Variants in VPS13B observed in about 807,000 individuals in gnomAD.
VPS13B encodes vacuolar protein sorting 13 homolog B.
Under a neutral mutation model 426.4 loss-of-function variants are expected in VPS13B, and 285 were observed. The observed-to-expected ratio is 0.67, with a 90% confidence interval of 0.61 to 0.74. The LOEUF (loss-of-function observed/expected upper bound fraction) is 0.74, where lower values mean the gene tolerates loss of function less well. VPS13B is among the 30% of genes least tolerant of loss of function. The pLI, the probability that VPS13B is intolerant of heterozygous loss-of-function variation, is 0.00. For synonymous variants in VPS13B, 1,676 were observed against 1,676.4 expected (o/e 1.00, Z 0.01); for missense variants, 4,537 against 4,782.6 (o/e 0.95, Z 1.51).
At chr8:99,861,312 T>C (rs1017807106) in intron 57 of VPS13B, among the ~76,000 whole-genome samples, 4 of 152,178 alleles carry the variant, frequency 2.6e-5, no homozygotes, top group Non-Finnish European at 5.9e-5. Context: ...TTGTATCTTA[T>C]CTTATTTGAG....
chr8:99,187,625 G>T (rs1813291029), intron 16 of VPS13B, among the ~76,000 whole-genome samples: 1 of 152,134 alleles, frequency 6.6e-6, no homozygotes, highest in South Asian at 2.1e-4. Context: ...TGGGATAGTG[G>T]CTTTCTTATT....
intron 29 of VPS13B, among the ~76,000 whole-genome samples, chr8:99,512,414 A>G (rs986318311): frequency 2.6e-5 from 4 of 152,224 alleles, no homozygotes; most frequent in Non-Finnish European, 5.9e-5. Context: ...TCCTTATTAT[A>G]TAGGAGCACC....
intron 30 of VPS13B, among the ~76,000 whole-genome samples, chr8:99,549,201 C>T (rs78773588): frequency 6.6e-6 from 1 of 152,066 alleles, no homozygotes. Context: ...GCATACTAAC[C>T]AGCATACTGT....
chr8:99,153,326 A>G (rs767262310), intron 14 of VPS13B, among the ~76,000 whole-genome samples: 139 of 152,248 alleles, frequency 9.1e-4, no homozygotes, highest in Non-Finnish European at 1.7e-3. Context: ...TTGGACTAAC[A>G]TCAACCATAC....
chr8:99,568,270 C>T (rs531741615), intron 31 of VPS13B, among the ~76,000 whole-genome samples: 72 of 149,962 alleles, frequency 4.8e-4, no homozygotes, highest in African/African-American at 2.0e-4. Flanking sequence ...GGATATATAC[C>T]GATAACTATT....
intron 21 of VPS13B, among the ~76,000 whole-genome samples, chr8:99,396,430 A>T (rs1814729596): frequency 6.6e-6 from 1 of 152,214 alleles, no homozygotes; most frequent in Non-Finnish European, 1.5e-5. Context: ...GGTTAAAAAG[A>T]TATTTAATGA....
At chr8:99,785,651 G>A (rs146467214) in intron 43 of VPS13B, among the ~76,000 whole-genome samples, 4 of 151,926 alleles carry the variant, frequency 2.6e-5, no homozygotes, top group East Asian at 1.9e-4. Context: ...TGTTTTCCTC[G>A]TGTAACATAA....
intron 30 of VPS13B, among the ~76,000 whole-genome samples, chr8:99,530,391 G>A (rs1431158132): frequency 6.6e-6 from 1 of 152,082 alleles, no homozygotes; most frequent in Non-Finnish European, 1.5e-5. Flanking sequence ...AAGGTGGGCG[G>A]ATCACCTGAG....
At chr8:99,323,459 T>A (rs1810088535) in intron 19 of VPS13B, among the ~76,000 whole-genome samples, 1 of 152,208 alleles carries the variant, frequency 6.6e-6, no homozygotes, top group South Asian at 2.1e-4. Flanking sequence ...CCTTCATTTT[T>A]GCATTGAGAA....
chr8:99,454,753 A>G (rs906609564), intron 23 of VPS13B, among the ~76,000 whole-genome samples: 80 of 152,162 alleles, frequency 5.3e-4, no homozygotes, highest in African/African-American at 1.8e-3. Context: ...CATTCCCACC[A>G]ACAATGAGTG....
chr8:99,028,645 ACGGGG>A (rs1301076525), intron 2 of VPS13B, among the ~76,000 whole-genome samples: 18 of 108,650 alleles, frequency 1.7e-4, no homozygotes, highest in African/African-American at 6.0e-4. Flanking sequence ...TCCCTCCCGG[ACGGGG>A]TGGCTGGCCA....
chr8:99,643,795 C>T (rs1220031098), intron 34 of VPS13B, among the ~76,000 whole-genome samples: 10 of 152,196 alleles, frequency 6.6e-5, no homozygotes, highest in South Asian at 4.1e-4. Flanking sequence ...TTACCAGCAA[C>T]AACTGCCTCT....
At chr8:99,825,416 G>A (rs1284781869) in intron 51 of VPS13B, among the ~76,000 whole-genome samples, 6 of 151,980 alleles carry the variant, frequency 3.9e-5, no homozygotes, top group African/African-American at 9.7e-5. Flanking sequence ...CTTTCTGATG[G>A]GGTTGGTTGG....
intron 17 of VPS13B, among the ~76,000 whole-genome samples, chr8:99,222,408 T>A (rs912185421): frequency 1.3e-5 from 2 of 152,234 alleles, no homozygotes; most frequent in African/African-American, 4.8e-5. Context: ...ACATTTTTCA[T>A]GTTTTGGTTG....
chr8:99,415,852 C>A (rs955235811), intron 21 of VPS13B, among the ~76,000 whole-genome samples: 5 of 152,148 alleles, frequency 3.3e-5, no homozygotes, highest in African/African-American at 9.7e-5. Flanking sequence ...TGTCTGTCGA[C>A]CCTTGCTAGG....
At chr8:99,252,653 T>C (rs1012228944) in intron 17 of VPS13B, among the ~76,000 whole-genome samples, 4 of 152,088 alleles carry the variant, frequency 2.6e-5, no homozygotes, top group Non-Finnish European at 5.9e-5. Context: ...TAATTGTAGA[T>C]TTATATTTTC....
intron 34 of VPS13B, among the ~76,000 whole-genome samples, chr8:99,648,257 A>T (rs72676221): frequency 0.14 from 20,696 of 152,202 alleles, 1,965 homozygotes; most frequent in East Asian, 0.39. Context: ...ATACTTATTA[A>T]GATTAATTTT....
intron 17 of VPS13B, among the ~76,000 whole-genome samples, chr8:99,199,559 C>T (rs1291914037): frequency 1.3e-5 from 2 of 152,098 alleles, no homozygotes. Flanking sequence ...TACTTGCTGT[C>T]TTAATTCATA....
intron 19 of VPS13B, among the ~76,000 whole-genome samples, chr8:99,378,011 G>A (rs966583384): frequency 6.6e-5 from 10 of 152,002 alleles, no homozygotes; most frequent in African/African-American, 1.9e-4. Flanking sequence ...AGTCTGACTA[G>A]AATTCGCCAG....
Sources: gnomAD v4.1 joint callset for allele counts (sites outside exome capture counted in the v4.1 genomes callset) on GRCh38, gnomAD v4.1.1 for gene constraint, MANE v1.5 for transcripts, NCBI Gene and HGNC (gene_info 2026-07-23, HGNC 2026-07-21) for gene names.